Variants in UBP1 observed in about 807,000 individuals in gnomAD.
The protein encoded by UBP1 is upstream-binding protein 1.
Under a neutral mutation model 76.1 loss-of-function variants are expected in UBP1, and 22 were observed. The observed-to-expected ratio is 0.29, with a 90% CI of 0.21 to 0.41. The LOEUF is 0.41. Ranked by LOEUF, UBP1 falls within the 10% of genes least tolerant of loss-of-function variation. UBP1 has a pLI of 1.00. For missense variants in UBP1, 436 were observed against 668.1 expected, an observed-to-expected ratio of 0.65 and a Z score of 3.83; for synonymous variants, 224 against 237.1, an observed-to-expected ratio of 0.94 and a Z score of 0.51.
At chr3:33,431,813 A>T (rs2045119134) in intron 1 of UBP1, among the ~76,000 whole-genome samples, 1 of 152,012 alleles carries the variant, frequency 6.6e-6, no homozygotes, top group African/African-American at 2.4e-5. Flanking sequence ...AGTTGAAAAT[A>T]GGCATGGCAA....
intron 8 of UBP1, among the ~76,000 whole-genome samples, chr3:33,405,338 A>G (rs2044389361): frequency 6.6e-6 from 1 of 152,244 alleles, no homozygotes; most frequent in Non-Finnish European, 1.5e-5. Context: ...GCAGTGGTCA[A>G]ACTGCCATGG....
At chr3:33,408,567 A>T (rs2044492219) in intron 8 of UBP1, 123 bp downstream of exon 8, 1 of 684,540 alleles carries the variant, frequency 1.5e-6, no homozygotes, top group Non-Finnish European at 2.3e-6. Context: ...AAACAAAAGC[A>T]AATTAAATCA....
intron 9 of UBP1, among the ~76,000 whole-genome samples, chr3:33,401,606 A>C (rs2044231176): frequency 2.6e-5 from 4 of 152,212 alleles, no homozygotes; most frequent in Admixed American, 2.6e-4. Flanking sequence ...GCTCTTGAGC[A>C]CCGACTCCTT....
intron 8 of UBP1, among the ~76,000 whole-genome samples, chr3:33,407,921 G>A (rs1042212560): frequency 6.6e-6 from 1 of 152,210 alleles, no homozygotes; most frequent in African/African-American, 2.4e-5. Flanking sequence ...ATCATCGTTT[G>A]TGGACTAATA....
At chr3:33,401,256 A>T (rs898639562) in intron 9 of UBP1, among the ~76,000 whole-genome samples, 5 of 152,198 alleles carry the variant, frequency 3.3e-5, no homozygotes, top group Admixed American at 6.5e-5. Context: ...TACTAGTAAG[A>T]AATTCAAGTT....
intron 1 of UBP1, among the ~76,000 whole-genome samples, chr3:33,434,811 C>T (rs1454711780): frequency 6.6e-6 from 1 of 151,022 alleles, no homozygotes; most frequent in Non-Finnish European, 1.5e-5. Context: ...CTCAGCTTCC[C>T]GAGTAGCTGG....
intron 1 of UBP1, among the ~76,000 whole-genome samples, chr3:33,437,134 A>C (rs1327364246): frequency 6.6e-6 from 1 of 152,244 alleles, no homozygotes; most frequent in African/African-American, 2.4e-5. Flanking sequence ...TGAGAACCAG[A>C]GCCAAAAGAA....
chr3:33,438,855 T>C (rs1204540091), intron 1 of UBP1, among the ~76,000 whole-genome samples: 1 of 152,104 alleles, frequency 6.6e-6, no homozygotes, highest in African/African-American at 2.4e-5. Context: ...TTCCAAAACA[T>C]CAGACATTTT....
At chr3:33,431,592 T>G (rs1227000195) in intron 1 of UBP1, among the ~76,000 whole-genome samples, 1 of 151,742 alleles carries the variant, frequency 6.6e-6, no homozygotes, top group Non-Finnish European at 1.5e-5. Flanking sequence ...ACAAAAAAAT[T>G]ATCTGGGCAT....
intron 13 of UBP1, 112 bp from the exon 14 acceptor site, chr3:33,393,566 TA>T: frequency 4.1e-6 from 4 of 985,878 alleles, no homozygotes; most frequent in Non-Finnish European, 5.5e-6. Context: ...ACCAAAAAAG[TA>T]AAAAAACATT....
At chr3:33,420,766 C>T (rs527649346) in intron 2 of UBP1, among the ~76,000 whole-genome samples, 12 of 152,072 alleles carry the variant, frequency 7.9e-5, no homozygotes, top group Non-Finnish European at 1.0e-4. Context: ...GGTTTACAGG[C>T]GTGAGCCACC....
intron 11 of UBP1, among the ~76,000 whole-genome samples, chr3:33,399,270 G>A (rs1329890999): frequency 1.3e-5 from 2 of 152,166 alleles, no homozygotes; most frequent in African/African-American, 4.8e-5. Flanking sequence ...AATATATTTG[G>A]GAAATGCTAC....
intron 4 of UBP1, 124 bp from the exon 5 acceptor site, chr3:33,411,811 T>C (rs574751875): frequency 9.5e-6 from 7 of 734,570 alleles, no homozygotes; most frequent in Non-Finnish European, 1.6e-5. Context: ...TTCAATGGTC[T>C]CCATGATCAA....
chr3:33,397,431 C>A (rs1205288973), intron 11 of UBP1: 1 of 204,536 alleles, frequency 4.9e-6, no homozygotes, highest in African/African-American at 2.3e-5. Context: ...CACTCATCTA[C>A]CTTATTTAGT....
At chr3:33,400,407 G>C in intron 10 of UBP1, 125 bp from the exon 11 acceptor site, 1 of 624,342 alleles carries the variant, frequency 1.6e-6, no homozygotes, top group Non-Finnish European at 2.7e-6. Context: ...TCTGACTCCA[G>C]CAACCCAAAT....
chr3:33,392,730 G>A (rs1023549445), intron 14 of UBP1, 116 bp from the exon 15 acceptor site: 134 of 923,884 alleles, frequency 1.5e-4, no homozygotes, highest in Admixed American at 1.2e-3. Context: ...TGGCCAAAAC[G>A]ATAATTCATG....
At position 33,439,825 on chromosome 3, in the gene UBP1, G is replaced by C; in HGVS notation, c.24C>G (p.Asp8Glu). MAWVLKM[D>E]EVIESGLVHD... ...GCACCAGCCCGGACTCGATCACCTC[G>C]TCCATCTTGAGCACCCAGGCCATCT... Residue 8 changes from aspartate (D) to glutamate (E), a missense_variant, in exon 1 of 16, where the codon GAC (aspartate) becomes GAG (glutamate). Asp to Glu is a conservative substitution (Grantham distance 45, BLOSUM62 2). Transcript: ENST00000283629. 6.2e-7 allele frequency: 1 copy of C among 1,612,458 alleles called. No homozygotes were observed.
chr3:33,434,960 T>C (rs182783775), intron 1 of UBP1, among the ~76,000 whole-genome samples: 2 of 152,268 alleles, frequency 1.3e-5, no homozygotes, highest in Non-Finnish European at 2.9e-5. Context: ...GTTGGGATTA[T>C]AGGCGTGAGC....
rs940302648 is a variant in UBP1, at chr3:33,417,296, C to T, written c.266-462G>A. ...AGTCACTTCCCATCCCTCCCCCACC[C>T]CCCACCTGGCCAACTGCTAGCGATC... On this transcript the variant is annotated intron_variant, in intron 2 of 15. Transcript: ENST00000283629. Among the ~76,000 whole-genome samples the T allele has an allele frequency of 1.2e-4, 18 of 152,074 alleles. 1 individual carries two copies. The highest frequency in any genetic ancestry group is 7.9e-4 in the Admixed American group (12 of 15,246).
Sources: allele counts gnomAD v4.1 joint callset (sites outside exome capture counted in the v4.1 genomes callset), GRCh38; gene constraint gnomAD v4.1.1; transcripts MANE v1.5; gene names NCBI Gene and HGNC (gene_info 2026-07-23, HGNC 2026-07-21).